Variants in CAMKK2 observed in about 807,000 individuals in gnomAD.
CAMKK2 encodes the protein calcium/calmodulin-dependent protein kinase kinase 2.
In CAMKK2, 30 loss-of-function variants were observed where a neutral mutation model predicts 67.2. The ratio of observed to expected loss-of-function variants is 0.45; its 90% CI spans 0.33 to 0.61. The LOEUF is 0.61. CAMKK2 is among the 20% of genes least tolerant of loss of function. CAMKK2 has a pLI of 0.02. For synonymous variants in CAMKK2, 322 were observed against 326.2 expected (o/e 0.99, Z 0.14); for missense variants, 643 against 802.0 (o/e 0.80, Z 2.39).
Position 121,240,503 on chromosome 12 carries a change from TCGA to T in CAMKK2, c.*193_*195del, listed in dbSNP as rs1361556322. The T allele has an allele frequency of 6.5e-7, 1 of 1,534,214 alleles. No individual in the cohort carries two copies. Among genetic ancestry groups the T allele is most frequent in the East Asian group, 2.4e-5 (1 of 40,880 alleles). On this transcript the variant is annotated 3_prime_UTR_variant, in exon 17 of 17. Transcript: ENST00000404169. The surrounding 1 kb of genome is among the most constrained non-coding windows in gnomAD (Gnocchi z 4.4). ...CTGTCCAGCCAGCCAGCGGCCACGGTCGACGTCATGGAGTCAAGTCCTTTTTTT... is the reference window on the plus strand; with the variant it reads ...CTGTCCAGCCAGCCAGCGGCCACGGTCGTCATGGAGTCAAGTCCTTTTTTT...
chr12:121,295,114 G>A (rs777915843), intron 1 of CAMKK2, among the ~76,000 whole-genome samples: 20 of 152,218 alleles, frequency 1.3e-4, no homozygotes, highest in African/African-American at 2.7e-4. Context: ...AGGTTGCAGT[G>A]AGCCAAGATT....
chr12:121,296,791 G>C (rs1205185326), upstream of CAMKK2: 2 of 146,584 alleles, frequency 1.4e-5, no homozygotes, highest in South Asian at 4.2e-4. The surrounding 1 kb of genome is among the most constrained non-coding windows in gnomAD (Gnocchi z 7.1). Flanking sequence ...GGCTCGGCTT[G>C]GGCGCGTCGC....
At chr12:121,286,612 T>G (rs1898784695) in intron 1 of CAMKK2, among the ~76,000 whole-genome samples, 1 of 152,144 alleles carries the variant, frequency 6.6e-6, no homozygotes, top group Non-Finnish European at 1.5e-5. Flanking sequence ...GGCACAATCT[T>G]GGCTCACTGC....
chr12:121,245,008 G>T lies in CAMKK2; in HGVS notation c.1553+132C>A. On this transcript the variant is annotated intron_variant, in intron 15 of 16. Transcript: ENST00000404169. The surrounding 1 kb of genome is among the most constrained non-coding windows in gnomAD (Gnocchi z 5.8). The stretch of plus-strand genomic sequence containing the variant: ...GGTGCTGACTGTCCCAGTGCACCAG[G>T]TGGGTTTCATCTGAGTCTCTCCAGA... 1 of 649,654 alleles carries T rather than the reference G, an allele frequency of 1.5e-6. No homozygotes were observed. The highest frequency in any genetic ancestry group is 2.7e-6 in the Non-Finnish European group (1 of 366,688). 40.2% of individuals were successfully genotyped at this position (649,654 alleles called of 1,614,324 possible). A position where few individuals can be genotyped will look rare whatever the true frequency, so the allele number is the denominator to read the frequency against.
At chr12:121,266,204 G>A (rs1020583210) in intron 5 of CAMKK2, among the ~76,000 whole-genome samples, 4 of 152,114 alleles carry the variant, frequency 2.6e-5, no homozygotes, top group African/African-American at 4.8e-5. Context: ...AAGTGCTGGC[G>A]TGAGCCACCG....
chr12:121,259,438 C>T (rs1893007420), intron 7 of CAMKK2, among the ~76,000 whole-genome samples: 1 of 152,204 alleles, frequency 6.6e-6, no homozygotes, highest in Non-Finnish European at 1.5e-5. Flanking sequence ...TGAACAAAGG[C>T]ACGCCTCAGA....
At chr12:121,244,855 C>CCCGGGCCACAAAAGTGCTTTT (rs1889111734) in intron 15 of CAMKK2, among the ~76,000 whole-genome samples, 1 of 152,204 alleles carries the variant, frequency 6.6e-6, no homozygotes, top group Non-Finnish European at 1.5e-5. Flanking sequence ...CACTCACGGT[C>CCCGGGCCACAAAAGTGCTTTT]CCGGGCCACA....
At chr12:121,271,345 C>T (rs1159435916) in intron 2 of CAMKK2, among the ~76,000 whole-genome samples, 1 of 151,148 alleles carries the variant, frequency 6.6e-6, no homozygotes, top group Non-Finnish European at 1.5e-5. Context: ...AACCAGAACC[C>T]AAATCAAGAA....
At chr12:121,292,476 G>C (rs954677176) in intron 1 of CAMKK2, among the ~76,000 whole-genome samples, 3 of 152,122 alleles carry the variant, frequency 2.0e-5, no homozygotes, top group Non-Finnish European at 1.5e-5. Flanking sequence ...CTACTAACAG[G>C]TCAGTAAGGC....
chr12:121,264,872 G>T (rs1165173038), intron 5 of CAMKK2, among the ~76,000 whole-genome samples: 3 of 151,694 alleles, frequency 2.0e-5, no homozygotes, highest in African/African-American at 7.3e-5. Context: ...TCAAGAGGCT[G>T]GGGTGGGAGG....
At chr12:121,268,745 A>C (rs1593400478) in intron 4 of CAMKK2, 56 bp from the exon 5 acceptor site, 2 of 1,560,566 alleles carry the variant, frequency 1.3e-6, no homozygotes, top group East Asian at 4.5e-5. Flanking sequence ...AGCAGGGAGG[A>C]AAAGGGGAAG....
At chr12:121,267,101 A>ATT (rs1894763947) in intron 5 of CAMKK2, among the ~76,000 whole-genome samples, 1 of 30,414 alleles carries the variant, frequency 3.3e-5, no homozygotes, top group African/African-American at 1.5e-4. Context: ...TTTTTAATTT[A>ATT]TCTTTTTTTT....
At chr12:121,292,036 C>T (rs913649086) in intron 1 of CAMKK2, among the ~76,000 whole-genome samples, 6 of 151,696 alleles carry the variant, frequency 4.0e-5, no homozygotes, top group African/African-American at 1.5e-4. Flanking sequence ...AGCCTGGCGA[C>T]AGAGTGAGAC....
intron 2 of CAMKK2, among the ~76,000 whole-genome samples, chr12:121,271,497 A>AT (rs146152173): frequency 0.34 from 51,830 of 151,840 alleles, 9,501 homozygotes; most frequent in African/African-American, 0.44. Context: ...TGTAAAACCC[A>AT]TTTTTTAAAG....
chr12:121,261,712 C>T (rs1469145524), intron 6 of CAMKK2, among the ~76,000 whole-genome samples: 2 of 152,234 alleles, frequency 1.3e-5, no homozygotes, highest in African/African-American at 4.8e-5. Flanking sequence ...ACCATGTACT[C>T]CCCCAAACAG....
In CAMKK2 at chr12:121,261,511, C is replaced by G. The variant is rs1268489309; in HGVS notation, c.760-1156G>C. ...TCTTCCCTCATCACGTCCGCTTTCTCCAGTCACCCAAGATCAATAAGACAA... is the reference window on the plus strand; with the variant it reads ...TCTTCCCTCATCACGTCCGCTTTCTGCAGTCACCCAAGATCAATAAGACAA... On this transcript the variant is annotated intron_variant, in intron 6 of 16. Transcript: ENST00000404169. Among the ~76,000 whole-genome samples, 4 of 152,296 alleles carry G rather than the reference C, an allele frequency of 2.6e-5. 1 individual carries two copies. The highest frequency in any genetic ancestry group is 4.1e-4 in the South Asian group (2 of 4,828).
chr12:121,264,044 T>C (rs1894015646), intron 5 of CAMKK2, 105 bp from the exon 6 acceptor site: 10 of 1,161,072 alleles, frequency 8.6e-6, no homozygotes, highest in Non-Finnish European at 1.1e-5. Context: ...AAAGCCACTC[T>C]GCAGGGCTGG....
At chr12:121,260,298 A>C (rs752734709) in intron 7 of CAMKK2, 21 bp downstream of exon 7, 36 of 1,598,792 alleles carry the variant, frequency 2.3e-5, no homozygotes, top group Non-Finnish European at 2.9e-5. Context: ...TGAGGGTGGC[A>C]GAAGAAAAGG....
chr12:121,284,756 T>C (rs893245360), intron 1 of CAMKK2, among the ~76,000 whole-genome samples: 6 of 152,236 alleles, frequency 3.9e-5, no homozygotes, highest in African/African-American at 1.4e-4. Flanking sequence ...CCCATTCCTC[T>C]GCCTTGCTGG....
Sources: gnomAD v4.1 joint callset for allele counts (sites outside exome capture counted in the v4.1 genomes callset) on GRCh38, gnomAD v4.1.1 for gene constraint, Gnocchi (gnomAD v3.1) non-coding constraint, MANE v1.5 for transcripts, NCBI Gene and HGNC (gene_info 2026-07-23, HGNC 2026-07-21) for gene names.